Variants in OR56B4 observed in about 807,000 individuals in gnomAD.
OR56B4 encodes the protein olfactory receptor family 56 subfamily B member 4, also known as olfactory receptor 56B4.
For synonymous variants in OR56B4, 142 were observed against 149.5 expected (o/e 0.95, Z 0.37); for missense variants, 447 against 384.6 (o/e 1.16, Z -1.36).
chr11:6,108,599 C>T lies in OR56B4; in HGVS notation c.821C>T (p.Pro274Leu). Residue 274 changes from proline to leucine, a missense_variant, in exon 1 of 1, where the codon CCC becomes CTC. Physicochemically the swap from Pro to Leu is moderately conservative, Grantham distance 98 (BLOSUM62 -3). Coordinates refer to ENST00000316529, the MANE Select transcript of OR56B4 (RefSeq NM_001005181.2). ...ACACACCTTGCAGAGAAAAAGATTC[C>T]CCTTATTCCTGTGTTCCTTAATGTG... ...SVTHLAEKKI[P>L]LIPVFLNVLH... is the part of the protein sequence containing the mutation. 6.2e-7 allele frequency: 1 copy of T among 1,614,090 alleles called. No homozygotes were observed. The highest frequency in any genetic ancestry group is 8.5e-7 in the Non-Finnish European group (1 of 1,179,984).
In OR56B4 at chr11:6,107,810, C is replaced by G. The variant is rs746437319; in HGVS notation, c.32C>G (p.Ser11Cys). ...ACCTCCACCAGTGTTACCTATGACT[C>G]CAGCCTCCAGATTTCCCAGTTCATC... is the stretch of plus-strand genomic sequence containing the variant. MDTSTSVTYDSSLQISQFILM... is the reference protein window; with the variant it reads MDTSTSVTYDCSLQISQFILM... Residue 11 changes from serine (S) to cysteine (C), a missense_variant, in exon 1 of 1, where the codon TCC (serine) becomes TGC (cysteine). Transcript: ENST00000316529. 8 of 1,613,202 alleles carry G rather than the reference C, an allele frequency of 5.0e-6. No individual in the cohort carries two copies. In the East Asian group the frequency reaches 6.7e-5, roughly 13 times the overall value.
At position 6,108,638 on chromosome 11, in the gene OR56B4, T is replaced by C; in HGVS notation, c.860T>C (p.Ile287Thr). ...PVFLNVLHNV[I>T]PPALNPLACA... ...TTCCTTAATGTGCTGCACAATGTCA[T>C]CCCCCCTGCACTCAACCCCCTGGCC... The change falls in exon 1 of 1, where the codon ATC (isoleucine) becomes ACC (threonine). Residue 287 changes from isoleucine (I) to threonine (T), a missense_variant. By Grantham distance (89) the Ile-to-Thr change is moderately conservative. Transcript: ENST00000316529. 1 of 1,613,902 alleles carries C rather than the reference T, an allele frequency of 6.2e-7. No homozygotes were observed. The highest frequency in any genetic ancestry group is 8.5e-7 in the Non-Finnish European group (1 of 1,179,880).
chr11:6,107,924 T>C lies in OR56B4; in HGVS notation c.146T>C (p.Leu49Pro), dbSNP rs1849022711. 1.2e-6 allele frequency: 2 copies of C among 1,613,938 alleles called. No homozygotes were observed. Among genetic ancestry groups the C allele is most frequent in the South Asian group, 2.2e-5 (2 of 91,078 alleles). ...LLYLLALGAN[L>P]LIIITIQHET... ...TACCTCTTAGCTCTTGGTGCCAATC[T>C]CCTCATCATAATCACCATTCAACAT... The change falls in exon 1 of 1, where the codon CTC (leucine) becomes CCC (proline). Residue 49 changes from leucine (L) to proline (P), a missense_variant. Leu to Pro is a moderately conservative substitution (Grantham distance 98, BLOSUM62 -3). Transcript: ENST00000316529.
At position 6,107,982 on chromosome 11, in the gene OR56B4, G is replaced by C. The variant is rs770669633; in HGVS notation, c.204G>C (p.Leu68Phe). 3.1e-6 allele frequency: 5 copies of C among 1,614,068 alleles called. No homozygotes were observed. Among genetic ancestry groups the C allele is most frequent in the Non-Finnish European group, 4.2e-6 (5 of 1,179,998 alleles). ...TGCTACATGAACCCATGTACCATTT[G>C]CTGGGCATATTAGCAGTGGTGGACA... ...ETVLHEPMYH[L>F]LGILAVVDIG... The change falls in exon 1 of 1, where the codon TTG becomes TTC. Residue 68 changes from leucine (L) to phenylalanine (F), a missense_variant. Coordinates refer to ENST00000316529, the MANE Select transcript of OR56B4 (RefSeq NM_001005181.2).
chr11:6,107,825 C>A lies in OR56B4; in HGVS notation c.47C>A (p.Ser16Tyr). 3 of 1,613,906 alleles carry A rather than the reference C, an allele frequency of 1.9e-6. No individual in the cohort carries two copies. The highest frequency in any genetic ancestry group is 2.5e-6 in the Non-Finnish European group (3 of 1,179,826). Reference sequence around the variant, plus strand: ...ACCTATGACTCCAGCCTCCAGATTTCCCAGTTCATCCTGATGGGATTACCA... The same window carrying A: ...ACCTATGACTCCAGCCTCCAGATTTACCAGTTCATCCTGATGGGATTACCA... ...SVTYDSSLQI[S>Y]QFILMGLPGI... is the part of the protein sequence containing the mutation. Residue 16 changes from serine (S) to tyrosine (Y), a missense_variant, in exon 1 of 1, where the codon TCC becomes TAC. Transcript: ENST00000316529.
rs61743916 is a variant in OR56B4 at position 6,108,179 on chromosome 11, G to A, written c.401G>A (p.Arg134His). 182 of 1,613,938 alleles carry A rather than the reference G, an allele frequency of 1.1e-4. No individual in the cohort carries two copies. Among genetic ancestry groups the A allele is most frequent in the Middle Eastern group, 9.9e-4 (6 of 6,062 alleles). The change falls in exon 1 of 1, where the codon CGC becomes CAC. Residue 134 changes from arginine (R) to histidine (H), a missense_variant. Arg to His is a conservative substitution (Grantham distance 29). Transcript: ENST00000316529. ...GTAGACAGATACATAGCCATCTGTC[G>A]CCCTCTTCAGTACCCCTCCATAGTC... ...MAVDRYIAIC[R>H]PLQYPSIVTK...
At position 6,108,105 on chromosome 11, in the gene OR56B4, C is replaced by T. The variant is rs938034062; in HGVS notation, c.327C>T (p.Ala109=). 3 of 1,614,088 alleles carry T rather than the reference C, an allele frequency of 1.9e-6. No individual in the cohort carries two copies. Among genetic ancestry groups the T allele is most frequent in the East Asian group, 4.5e-5 (2 of 44,882 alleles). Reference sequence around the variant, plus strand: ...CCATGTGTTTTGCTCAGATCTATGCCATCCACTGCTTCTTCTGCATAGAGT... The same window carrying T: ...CCATGTGTTTTGCTCAGATCTATGCTATCCACTGCTTCTTCTGCATAGAGT... ...SLPMCFAQIY[A]IHCFFCIESG... is the part of the protein sequence containing the mutation. The change falls in exon 1 of 1, where the codon GCC becomes GCT. Residue 109 remains alanine, a synonymous_variant. Coordinates refer to ENST00000316529, the MANE Select transcript of OR56B4 (RefSeq NM_001005181.2).
rs1021162803 is a variant in OR56B4, at chr11:6,108,569, C to T, written c.791C>T (p.Ser264Phe). The T allele has an allele frequency of 1.2e-6, 2 of 1,614,010 alleles. No individual in the cohort carries two copies. The highest frequency in any genetic ancestry group is 1.7e-6 in the Non-Finnish European group (2 of 1,179,972). Residue 264 changes from serine to phenylalanine, a missense_variant, in exon 1 of 1, where the codon TCT becomes TTT. Physicochemically the swap from Ser to Phe is radical, Grantham distance 155 (BLOSUM62 -2). Transcript: ENST00000316529. Reference protein sequence around the residue: ...ILFHTGIIVLSVTHLAEKKIP... With the variant: ...ILFHTGIIVLFVTHLAEKKIP... ...TTCCACACAGGTATCATTGTGCTGT[C>T]TGTCACACACCTTGCAGAGAAAAAG... is the stretch of plus-strand genomic sequence containing the variant.
rs1324846611 is a variant in OR56B4 at position 6,108,470 on chromosome 11, T to G, written c.692T>G (p.Val231Gly). 1.2e-6 allele frequency: 2 copies of G among 1,614,132 alleles called. No individual in the cohort carries two copies. The highest frequency in any genetic ancestry group is 1.7e-6 in the Non-Finnish European group (2 of 1,180,054). Residue 231 changes from valine (V) to glycine (G), a missense_variant, in exon 1 of 1, where the codon GTG (valine) becomes GGG (glycine). Transcript: ENST00000316529. ...FSSYAVILHS[V>G]LRLNSAEAMS... ...TCCTATGCTGTAATCCTTCACTCTG[T>G]GCTGAGGCTGAACTCAGCAGAAGCA...
chr11:6,108,647 C>T lies in OR56B4; in HGVS notation c.869C>T (p.Ala290Val). Residue 290 changes from alanine (A) to valine (V), a missense_variant, in exon 1 of 1, where the codon GCA becomes GTA. Ala to Val is a moderately conservative substitution (Grantham distance 64). Coordinates refer to ENST00000316529, the MANE Select transcript of OR56B4 (RefSeq NM_001005181.2). Reference protein sequence around the residue: ...LNVLHNVIPPALNPLACALRM... With the variant: ...LNVLHNVIPPVLNPLACALRM... ...GTGCTGCACAATGTCATCCCCCCTG[C>T]ACTCAACCCCCTGGCCTGTGCACTC... 1 of 1,614,122 alleles carries T rather than the reference C, an allele frequency of 6.2e-7. No individual in the cohort carries two copies. Among genetic ancestry groups the T allele is most frequent in the Non-Finnish European group, 8.5e-7 (1 of 1,179,978 alleles).
Position 6,108,016 on chromosome 11 carries a change from G to T in OR56B4, c.238G>T (p.Ala80Ser). The change falls in exon 1 of 1, where the codon GCC (alanine) becomes TCC (serine). Residue 80 changes from alanine to serine, a missense_variant. Transcript: ENST00000316529. ...ATTAGCAGTGGTGGACATTGGCCTG[G>T]CCACCACCATCATGCCCAAGATCCT... ...GILAVVDIGLATTIMPKILAI... is the reference protein window; with the variant it reads ...GILAVVDIGLSTTIMPKILAI... The T allele has an allele frequency of 3.7e-6, 6 of 1,614,040 alleles. No homozygotes were observed. Among genetic ancestry groups the T allele is most frequent in the Non-Finnish European group, 5.1e-6 (6 of 1,179,980 alleles).
chr11:6,108,625 C>A lies in OR56B4; in HGVS notation c.847C>A (p.Leu283Met). The change falls in exon 1 of 1, where the codon CTG becomes ATG. Residue 283 changes from leucine (L) to methionine (M), a missense_variant. Coordinates refer to ENST00000316529, the MANE Select transcript of OR56B4 (RefSeq NM_001005181.2). ...IPLIPVFLNV[L>M]HNVIPPALNP... is the part of the protein sequence containing the mutation. The stretch of plus-strand genomic sequence containing the variant: ...CCTTATTCCTGTGTTCCTTAATGTG[C>A]TGCACAATGTCATCCCCCCTGCACT... 6.2e-7 allele frequency: 1 copy of A among 1,614,078 alleles called. No individual in the cohort carries two copies. Among genetic ancestry groups the A allele is most frequent in the Non-Finnish European group, 8.5e-7 (1 of 1,179,978 alleles).
Position 6,108,353 on chromosome 11 carries a change from G to A in OR56B4, c.575G>A (p.Ser192Asn). ...CTCTGCTCTAACTTGGGGGTTATCA[G>A]CCTGGCTTGTGATGACATCACTGTG... Reference protein sequence around the residue: ...HCLCSNLGVISLACDDITVNK... With the variant: ...HCLCSNLGVINLACDDITVNK... Residue 192 changes from serine to asparagine, a missense_variant, in exon 1 of 1, where the codon AGC becomes AAC. Transcript: ENST00000316529. 6.2e-7 allele frequency: 1 copy of A among 1,614,188 alleles called. No individual in the cohort carries two copies. The highest frequency in any genetic ancestry group is 8.5e-7 in the Non-Finnish European group (1 of 1,180,026).
Position 6,107,724 on chromosome 11 carries a change from T to C in OR56B4, c.-55T>C, listed in dbSNP as rs1460926243. ...GATGCTCAGCCCCTTAGCTGAACTT[T>C]TAAACAGAGATTTCTTCTATTTCAG... On this transcript the variant is annotated 5_prime_UTR_variant, in exon 1 of 1. Coordinates refer to ENST00000316529, the MANE Select transcript of OR56B4 (RefSeq NM_001005181.2). 1.3e-6 allele frequency: 2 copies of C among 1,549,984 alleles called. No individual in the cohort carries two copies. Among genetic ancestry groups the C allele is most frequent in the Non-Finnish European group, 1.7e-6 (2 of 1,143,408 alleles).
In OR56B4 at chr11:6,107,824, T is replaced by C. The variant is rs1244894356; in HGVS notation, c.46T>C (p.Ser16Pro). 6.2e-6 allele frequency: 10 copies of C among 1,613,958 alleles called. No homozygotes were observed. Among genetic ancestry groups the C allele is most frequent in the Non-Finnish European group, 8.5e-6 (10 of 1,179,872 alleles). Residue 16 changes from serine to proline, a missense_variant, in exon 1 of 1, where the codon TCC becomes CCC. Physicochemically the swap from Ser to Pro is moderately conservative, Grantham distance 74 (BLOSUM62 -1). Coordinates refer to ENST00000316529, the MANE Select transcript of OR56B4 (RefSeq NM_001005181.2). ...SVTYDSSLQI[S>P]QFILMGLPGI... ...TACCTATGACTCCAGCCTCCAGATT[T>C]CCCAGTTCATCCTGATGGGATTACC...
In OR56B4 at chr11:6,108,139, T is replaced by A. The variant is rs1436773542; in HGVS notation, c.361T>A (p.Phe121Ile). ...HCFFCIESGI[F>I]LCMAVDRYIA... is the part of the protein sequence containing the mutation. ...CTTCTTCTGCATAGAGTCAGGCATCTTTCTCTGCATGGCAGTAGACAGATA... is the reference window on the plus strand; with the variant it reads ...CTTCTTCTGCATAGAGTCAGGCATCATTCTCTGCATGGCAGTAGACAGATA... Residue 121 changes from phenylalanine (F) to isoleucine (I), a missense_variant, in exon 1 of 1, where the codon TTT becomes ATT. Coordinates refer to ENST00000316529, the MANE Select transcript of OR56B4 (RefSeq NM_001005181.2). The A allele has an allele frequency of 6.2e-7, 1 of 1,614,166 alleles. No homozygotes were observed. Among genetic ancestry groups the A allele is most frequent in the Non-Finnish European group, 8.5e-7 (1 of 1,180,028 alleles).
chr11:6,108,305 C>A lies in OR56B4; in HGVS notation c.527C>A (p.Ser176Tyr), dbSNP rs749350316. The change falls in exon 1 of 1, where the codon TCC (serine) becomes TAC (tyrosine). Residue 176 changes from serine (S) to tyrosine (Y), a missense_variant. Coordinates refer to ENST00000316529, the MANE Select transcript of OR56B4 (RefSeq NM_001005181.2). ...PILAAQRHYC[S>Y]RNEIEHCLCS... Reference sequence around the variant, plus strand: ...CTGGCTGCCCAGAGACACTACTGTTCCAGGAATGAAATCGAGCACTGCCTC... The same window carrying A: ...CTGGCTGCCCAGAGACACTACTGTTACAGGAATGAAATCGAGCACTGCCTC... 6.2e-7 allele frequency: 1 copy of A among 1,614,050 alleles called. No homozygotes were observed. Among genetic ancestry groups the A allele is most frequent in the African/African-American group, 1.3e-5 (1 of 74,926 alleles).
Position 6,108,315 on chromosome 11 carries a change from A to C in OR56B4, c.537A>C (p.Glu179Asp), listed in dbSNP as rs759614696. Reference protein sequence around the residue: ...AAQRHYCSRNEIEHCLCSNLG... With the variant: ...AAQRHYCSRNDIEHCLCSNLG... ...AGAGACACTACTGTTCCAGGAATGA[A>C]ATCGAGCACTGCCTCTGCTCTAACT... The change falls in exon 1 of 1, where the codon GAA becomes GAC. Residue 179 changes from glutamate to aspartate, a missense_variant. Coordinates refer to ENST00000316529, the MANE Select transcript of OR56B4 (RefSeq NM_001005181.2). The C allele has an allele frequency of 1.2e-6, 2 of 1,614,174 alleles. No homozygotes were observed. The highest frequency in any genetic ancestry group is 1.7e-6 in the Non-Finnish European group (2 of 1,180,012).
In OR56B4 at chr11:6,108,818, C is replaced by A; in HGVS notation, c.*80C>A. On this transcript the variant is annotated 3_prime_UTR_variant, in exon 1 of 1. Coordinates refer to ENST00000316529, the MANE Select transcript of OR56B4 (RefSeq NM_001005181.2). ...CAATAGATCAGGGTTATAATCTGCA[C>A]TTACCACACTCCCTAGGAAAAAAAT... is the stretch of plus-strand genomic sequence containing the variant. 1 of 1,306,274 alleles carries A rather than the reference C, an allele frequency of 7.7e-7. No homozygotes were observed. The highest frequency in any genetic ancestry group is 1.1e-6 in the Non-Finnish European group (1 of 934,390). 80.9% of individuals were successfully genotyped at this position (1,306,274 alleles called of 1,614,324 possible).
Sources: gnomAD v4.1 joint callset for allele counts on GRCh38, gnomAD v4.1.1 for gene constraint, MANE v1.5 for transcripts, NCBI Gene and HGNC (gene_info 2026-07-23, HGNC 2026-07-21) for gene names.